The following RBFOX2 variants were observed in gnomAD, a reference collection of about 807,000 sequenced individuals.
The protein encoded by RBFOX2 is RNA binding fox-1 homolog 2, also known as RNA binding protein fox-1 homolog 2.
A neutral mutation model predicts 49.1 loss-of-function variants in RBFOX2; 10 were observed. That is an observed-to-expected ratio of 0.20 (90% CI 0.13 to 0.35). The LOEUF is 0.35. Ranked by LOEUF, RBFOX2 falls within the 10% of genes least tolerant of loss-of-function variation. The pLI is 1.00. For missense variants in RBFOX2, 323 were observed against 486.9 expected (o/e 0.66, Z 3.17); for synonymous variants, 183 against 187.4 (o/e 0.98, Z 0.19).
chr22:35,792,331 AAAAGAAAAGAAAAG>A (rs532919964), intron 2 of RBFOX2, among the ~76,000 whole-genome samples: 11,762 of 96,748 alleles, frequency 0.12, 685 homozygotes, highest in African/African-American at 0.21. Context: ...AAAAAAAAAA[AAAAGAAAAGAAAAG>A]AAAAGAAAAG....
At chr22:36,015,483 T>C (rs1304024949) in intron 1 of RBFOX2, among the ~76,000 whole-genome samples, 1 of 152,222 alleles carries the variant, frequency 6.6e-6, no homozygotes, top group Admixed American at 6.5e-5. Flanking sequence ...ACAGTAACCA[T>C]GTTCCTGGAA....
At chr22:36,027,189 C>T (rs1247398277) in intron 1 of RBFOX2, among the ~76,000 whole-genome samples, 1 of 152,158 alleles carries the variant, frequency 6.6e-6, no homozygotes, top group Non-Finnish European at 1.5e-5. Flanking sequence ...GTGCACATCA[C>T]CTACTATGAG....
chr22:35,754,155 G>A (rs1404361861), intron 9 of RBFOX2, among the ~76,000 whole-genome samples: 5 of 147,604 alleles, frequency 3.4e-5, no homozygotes, highest in Admixed American at 6.9e-5. Flanking sequence ...GTAGTGGCAC[G>A]ATCTCAGCTC....
At chr22:35,886,118 A>G (rs2046545883) in intron 1 of RBFOX2, among the ~76,000 whole-genome samples, 1 of 151,892 alleles carries the variant, frequency 6.6e-6, no homozygotes, top group African/African-American at 2.4e-5. Context: ...AGCCTCCCAA[A>G]GTGCTGGGAT....
upstream of RBFOX2, among the ~76,000 whole-genome samples, chr22:35,939,391 G>A (rs1405448841): frequency 6.6e-6 from 1 of 152,050 alleles, no homozygotes; most frequent in African/African-American, 2.4e-5. Context: ...TTAGGTCTTC[G>A]TCTCTATCAG....
intron 1 of RBFOX2, among the ~76,000 whole-genome samples, chr22:35,875,162 C>CACTCAGACTGTGGTAATTTGT (rs1029072748): frequency 2.0e-5 from 3 of 152,124 alleles, no homozygotes; most frequent in Non-Finnish European, 4.4e-5. Flanking sequence ...TTGGTTAAGC[C>CACTCAGACTGTGGTAATTTGT]ACTCAGACTG....
chr22:36,003,202 C>T (rs1226909130), intron 1 of RBFOX2, among the ~76,000 whole-genome samples: 1 of 152,306 alleles, frequency 6.6e-6, no homozygotes, highest in African/African-American at 2.4e-5. Context: ...TCATTCTTCC[C>T]ATAAACATAC....
chr22:35,956,048 T>C (rs2055516140), intron 1 of RBFOX2, among the ~76,000 whole-genome samples: 1 of 152,238 alleles, frequency 6.6e-6, no homozygotes, highest in Non-Finnish European at 1.5e-5. Context: ...TAAAAATTCA[T>C]TGATCTTGTA....
intron 1 of RBFOX2, among the ~76,000 whole-genome samples, chr22:35,926,593 A>G (rs1331498039): frequency 6.6e-6 from 1 of 152,204 alleles, no homozygotes; most frequent in East Asian, 1.9e-4. Flanking sequence ...CCCTAAACTA[A>G]GCAAAAAGAG....
rs555821506 is a variant in RBFOX2 at position 36,000,719 on chromosome 22, T to G, written c.186+27521A>C. 3.3e-5 allele frequency among the ~76,000 whole-genome samples: 5 copies of G among 152,264 alleles called. No individual in the cohort carries two copies. In the East Asian group the frequency reaches 9.7e-4, roughly 29 times the overall value. On this transcript the variant is annotated intron_variant, in intron 1 of 13. Transcript: ENST00000438146. ...TTCTCAGTATCTACCTCCCATCTGT[T>G]TTCCTTCGTTTTTCCTCTATCCTCT...
At chr22:35,790,295 A>T (rs1947343245) in intron 2 of RBFOX2, among the ~76,000 whole-genome samples, 1 of 152,244 alleles carries the variant, frequency 6.6e-6, no homozygotes. Context: ...CCTACGTTAT[A>T]GTCATTCTCC....
At chr22:35,998,995 T>C (rs1379526630) in intron 1 of RBFOX2, 2 of 152,508 alleles carry the variant, frequency 1.3e-5, no homozygotes, top group Non-Finnish European at 2.9e-5. Flanking sequence ...CAACAATGAT[T>C]TTAATAAGTC....
intron 1 of RBFOX2, chr22:35,821,894 G>T (rs200080832): frequency 1.9e-6 from 1 of 519,006 alleles, no homozygotes; most frequent in South Asian, 1.4e-5. Flanking sequence ...TGACCAAAAG[G>T]GGGAGGAGCA....
At chr22:35,945,890 T>A (rs1469092725) in intron 1 of RBFOX2, among the ~76,000 whole-genome samples, 1 of 152,188 alleles carries the variant, frequency 6.6e-6, no homozygotes, top group East Asian at 1.9e-4. Context: ...AACTGTTAAC[T>A]AGTAAACTAA....
chr22:35,898,400 G>C (rs187854536), intron 1 of RBFOX2: 5 of 471,546 alleles, frequency 1.1e-5, no homozygotes, highest in South Asian at 2.5e-5. Context: ...TGCAGCGGCC[G>C]CCATCTTCTC....
intron 1 of RBFOX2, among the ~76,000 whole-genome samples, chr22:35,867,220 A>G (rs2043796060): frequency 6.6e-6 from 1 of 152,224 alleles, no homozygotes; most frequent in Non-Finnish European, 1.5e-5. Context: ...TTGTGTCACA[A>G]GTAGTTTGCC....
chr22:35,931,126 T>G (rs1185723438), intron 1 of RBFOX2, among the ~76,000 whole-genome samples: 1 of 151,830 alleles, frequency 6.6e-6, no homozygotes, highest in African/African-American at 2.4e-5. Flanking sequence ...CACTAGAGGG[T>G]GTAAGGACAA....
rs371162038 is a variant in RBFOX2 at position 35,804,110 on chromosome 22, T to G, written c.252+5670A>C. Among the ~76,000 whole-genome samples, 5 of 152,148 alleles carry G rather than the reference T, an allele frequency of 3.3e-5. No homozygotes were observed. The South Asian group carries it at 8.3e-4, about 25-fold the overall frequency. ...CTGGCCAACATGGTGAAACCCCATC[T>G]CTACTAAAAATACAAAAATGAGCTG... On this transcript the variant is annotated intron_variant, in intron 2 of 11. Transcript: ENST00000405409.
intron 1 of RBFOX2, among the ~76,000 whole-genome samples, chr22:35,838,599 A>G (rs1233898669): frequency 6.6e-6 from 1 of 152,150 alleles, no homozygotes; most frequent in African/African-American, 2.4e-5. Context: ...CCTCTGCCTC[A>G]TCTTTCTTCT....
Sources: allele counts gnomAD v4.1 joint callset (sites outside exome capture counted in the v4.1 genomes callset), GRCh38; gene constraint gnomAD v4.1.1; transcripts MANE v1.5; gene names NCBI Gene and HGNC (gene_info 2026-07-23, HGNC 2026-07-21).